ANK2: variants seen among roughly 807,000 people sequenced by gnomAD.
ANK2 encodes the protein ankyrin 2, also known as ankyrin-2.
Under a neutral mutation model 360.5 loss-of-function variants are expected in ANK2, and 83 were observed. The observed-to-expected ratio is 0.23, with a 90% CI of 0.19 to 0.28. The LOEUF (loss-of-function observed/expected upper bound fraction) is 0.28, where lower values mean the gene tolerates loss of function less well. Ranked by LOEUF, ANK2 falls within the 10% of genes least tolerant of loss-of-function variation. The pLI, the probability that ANK2 is intolerant of heterozygous loss-of-function variation, is 1.00. For synonymous variants in ANK2, 1,740 were observed against 1,759.5 expected, an observed-to-expected ratio of 0.99 and a Z score of 0.28; for missense variants, 4,201 against 4,795.7, an observed-to-expected ratio of 0.88 and a Z score of 3.66.
At chr4:113,188,128 G>A (rs1445951386) in intron 2 of ANK2, among the ~76,000 whole-genome samples, 1 of 152,024 alleles carries the variant, frequency 6.6e-6, no homozygotes, top group East Asian at 1.9e-4. Flanking sequence ...TGGCTCTGAT[G>A]GTTATATTTA....
chr4:113,239,080 A>G (rs2099405466), intron 7 of ANK2, among the ~76,000 whole-genome samples: 2 of 152,200 alleles, frequency 1.3e-5, no homozygotes, highest in South Asian at 4.1e-4. Context: ...ATTTCCTAAA[A>G]TATGAAAATT....
At chr4:112,719,555 C>T in the ANK2 span, among the ~76,000 whole-genome samples, 11 of 151,912 alleles carry the variant, frequency 7.2e-5, no homozygotes, top group African/African-American at 2.4e-4. Context: ...AGTGAAACCC[C>T]GCCTCTACTA....
chr4:113,227,340 T>G (rs1052824210), intron 4 of ANK2, among the ~76,000 whole-genome samples: 7 of 152,212 alleles, frequency 4.6e-5, no homozygotes, highest in South Asian at 2.1e-4. Context: ...CAGGAGCTGA[T>G]TGACAACCTA....
chr4:112,951,060 C>T (rs1008333659), intron 2 of ANK2, among the ~76,000 whole-genome samples: 8 of 113,680 alleles, frequency 7.0e-5, no homozygotes, highest in Admixed American at 1.2e-4. Context: ...CCAGCCTGGG[C>T]GACAGAGCGA....
intron 1 of ANK2, among the ~76,000 whole-genome samples, chr4:113,057,319 C>G (rs921995420): frequency 2.0e-5 from 3 of 152,002 alleles, no homozygotes; most frequent in Non-Finnish European, 4.4e-5. Flanking sequence ...AAGAGTAAAC[C>G]CTATGAGTGG....
chr4:113,025,437 T>A (rs1008851188), intron 2 of ANK2, among the ~76,000 whole-genome samples: 1 of 152,192 alleles, frequency 6.6e-6, no homozygotes, highest in East Asian at 1.9e-4. Context: ...AGTAGGCCCA[T>A]CTCCACTAGT....
At chr4:112,738,941 C>T in the ANK2 span, 1 of 715,066 alleles carries the variant, frequency 1.4e-6, no homozygotes, top group East Asian at 3.7e-5. Flanking sequence ...GTTCCTGGTC[C>T]AGAACATCAA....
chr4:112,816,151 G>A (rs778387425), upstream of ANK2, among the ~76,000 whole-genome samples: 1 of 152,222 alleles, frequency 6.6e-6, no homozygotes, highest in Non-Finnish European at 1.5e-5. Context: ...TGGGTAGTCA[G>A]TGTCAGAATT....
chr4:112,978,116 T>C (rs2042019834), intron 2 of ANK2, among the ~76,000 whole-genome samples: 1 of 151,824 alleles, frequency 6.6e-6, no homozygotes, highest in Non-Finnish European at 1.5e-5. Flanking sequence ...TGGTGGTGAG[T>C]CCCTGTAATC....
Position 113,353,432 on chromosome 4 carries a change from A to G in ANK2, c.4814A>G (p.Gln1605Arg). 1 of 1,614,102 alleles carries G rather than the reference A, an allele frequency of 6.2e-7. No homozygotes were observed. Among genetic ancestry groups the G allele is most frequent in the African/African-American group, 1.3e-5 (1 of 75,060 alleles). Residue 1605 changes from glutamine to arginine, a missense_variant, in exon 38 of 46, where the codon CAA becomes CGA. Gln to Arg is a conservative substitution (Grantham distance 43). Coordinates refer to ENST00000357077, the MANE Select transcript of ANK2 (RefSeq NM_001148.6). ...VSDEEIEEAR[Q>R]KAPLEITEYP... ...GATGAGGAAATAGAAGAGGCTAGGC[A>G]AAAAGCACCTTTAGAAATCACTGAA...
At chr4:112,738,250 A>T in the ANK2 span, among the ~76,000 whole-genome samples, 1 of 152,052 alleles carries the variant, frequency 6.6e-6, no homozygotes, top group Non-Finnish European at 1.5e-5. Flanking sequence ...TCTCTATTTA[A>T]AAAGTACAAA....
In ANK2 at chr4:113,237,176, C is replaced by G. The variant is rs1230411143; in HGVS notation, c.669+4C>G. Reference sequence around the variant, plus strand: ...CAATGCTGACGTACAATCCAAGGTACTTAAAGCTGAACACATTTGTGGAAA... The same window carrying G: ...CAATGCTGACGTACAATCCAAGGTAGTTAAAGCTGAACACATTTGTGGAAA... On this transcript the variant is annotated splice_donor_region_variant and intron_variant, in intron 6 of 45. Transcript: ENST00000357077. The G allele has an allele frequency of 2.5e-6, 4 of 1,613,082 alleles. No individual in the cohort carries two copies. The South Asian group carries it at 3.3e-5, about 13-fold the overall frequency.
At chr4:113,277,436 A>G (rs2060649266) in intron 15 of ANK2, among the ~76,000 whole-genome samples, 1 of 152,220 alleles carries the variant, frequency 6.6e-6, no homozygotes, top group South Asian at 2.1e-4. Flanking sequence ...AGGTGTTATA[A>G]AAAGGATTGA....
At chr4:112,747,275 CACTA>C in the ANK2 span, among the ~76,000 whole-genome samples, 1 of 152,162 alleles carries the variant, frequency 6.6e-6, no homozygotes, top group Non-Finnish European at 1.5e-5. Context: ...CAGTGAGTGG[CACTA>C]ATAAGGAACA....
intron 1 of ANK2, among the ~76,000 whole-genome samples, chr4:112,824,283 G>C (rs769425567): frequency 6.6e-6 from 1 of 151,358 alleles, no homozygotes; most frequent in Non-Finnish European, 1.5e-5. Context: ...GGCTTCAAGC[G>C]ATCTTCCAGC....
At chr4:113,277,030 A>G (rs181385356) in intron 15 of ANK2, among the ~76,000 whole-genome samples, 79 of 152,318 alleles carry the variant, frequency 5.2e-4, no homozygotes, top group Admixed American at 1.2e-3. Context: ...CTTAGTCCAG[A>G]GACTTATCTG....
chr4:113,379,072 C>T (rs2097071982), intron 45 of ANK2, among the ~76,000 whole-genome samples: 1 of 152,128 alleles, frequency 6.6e-6, no homozygotes, highest in Admixed American at 6.5e-5. Flanking sequence ...GGTTCTGTCA[C>T]AATTCCACCC....
intron 1 of ANK2, among the ~76,000 whole-genome samples, chr4:113,078,382 C>G (rs313962): frequency 0.42 from 63,896 of 151,988 alleles, 15,499 homozygotes; most frequent in African/African-American, 0.67. Context: ...GCTGAGGATT[C>G]TCTATGACAT....
intron 2 of ANK2, among the ~76,000 whole-genome samples, chr4:112,971,104 A>C (rs2039371014): frequency 1.3e-5 from 2 of 152,262 alleles, no homozygotes; most frequent in Admixed American, 1.3e-4. Context: ...ATGAAAATTT[A>C]AAATGAACAC....
Sources: allele counts gnomAD v4.1 joint callset (sites outside exome capture counted in the v4.1 genomes callset), GRCh38; gene constraint gnomAD v4.1.1; transcripts MANE v1.5; gene names NCBI Gene and HGNC (gene_info 2026-07-23, HGNC 2026-07-21).